The following RABGAP1L variants were observed in gnomAD, a reference collection of about 807,000 sequenced individuals.
RABGAP1L encodes RAB GTPase activating protein 1 like, also known as rab GTPase-activating protein 1-like.
In RABGAP1L, 63 loss-of-function variants were observed where a neutral mutation model predicts 137.7. The ratio of observed to expected loss-of-function variants is 0.46; its 90% CI spans 0.37 to 0.56. RABGAP1L has a LOEUF of 0.56. Among genes scored for constraint, RABGAP1L ranks in the 20% least tolerant of loss-of-function variants. The probability of loss-of-function intolerance (pLI) is 0.00; values close to 1 mark genes in which losing one functional copy is unlikely to be tolerated. For synonymous variants in RABGAP1L, 431 were observed against 433.7 expected (o/e 0.99, Z 0.08); for missense variants, 1,095 against 1,244.0 (o/e 0.88, Z 1.80).
intron 13 of RABGAP1L, among the ~76,000 whole-genome samples, chr1:174,471,735 G>T (rs762275891): frequency 2.2e-4 from 33 of 152,176 alleles, no homozygotes; most frequent in Non-Finnish European, 4.0e-4. Context: ...TAATCTGGCT[G>T]CAGCGTGCAG....
chr1:174,500,495 T>C (rs557514969), intron 13 of RABGAP1L, among the ~76,000 whole-genome samples: 2 of 152,298 alleles, frequency 1.3e-5, no homozygotes, highest in Middle Eastern at 3.4e-3. Context: ...TGAGACCCTG[T>C]TATGCACTGG....
chr1:174,659,613 C>G (rs927428655), intron 14 of RABGAP1L, among the ~76,000 whole-genome samples: 9 of 152,214 alleles, frequency 5.9e-5, no homozygotes, highest in African/African-American at 2.2e-4. Flanking sequence ...TAGCCTCATT[C>G]AGTCTCATGG....
intron 13 of RABGAP1L, among the ~76,000 whole-genome samples, chr1:174,401,785 A>G (rs1171659584): frequency 6.6e-6 from 1 of 152,196 alleles, no homozygotes; most frequent in African/African-American, 2.4e-5. Context: ...CAGCGATAAC[A>G]TGGTTAAGCA....
chr1:174,533,239 T>C (rs147656332), intron 13 of RABGAP1L, among the ~76,000 whole-genome samples: 2 of 152,146 alleles, frequency 1.3e-5, no homozygotes, highest in South Asian at 2.1e-4. Flanking sequence ...GTCTCAAAAA[T>C]AAATAAGCAA....
intron 1 of RABGAP1L, among the ~76,000 whole-genome samples, chr1:174,160,332 A>C (rs1388631197): frequency 1.3e-5 from 2 of 152,096 alleles, no homozygotes; most frequent in African/African-American, 2.4e-5. Context: ...AAAGTTTCTG[A>C]GACTGGGCTA....
At chr1:174,397,176 A>G (rs1459872142) in intron 13 of RABGAP1L, among the ~76,000 whole-genome samples, 2 of 152,124 alleles carry the variant, frequency 1.3e-5, no homozygotes, top group African/African-American at 4.8e-5. Context: ...GGCAAAAATC[A>G]TTTTCATTGA....
At position 174,967,239 on chromosome 1, in the gene RABGAP1L, C is replaced by T. The variant is rs553370558; in HGVS notation, c.2434-2038C>T. ...AGTGCAGTGGCATGATCATAGTTCA[C>T]TGCAGCCTTGACTTCCTGGGTTCAA... On this transcript the variant is annotated intron_variant, in intron 20 of 25. Coordinates refer to ENST00000681986, the MANE Select transcript of RABGAP1L (RefSeq NM_001366446.1). 9.3e-5 allele frequency among the ~76,000 whole-genome samples: 14 copies of T among 151,162 alleles called. No individual in the cohort carries two copies. The South Asian group carries it at 2.9e-3, about 31-fold the overall frequency.
chr1:174,685,599 T>C (rs1356066547), intron 15 of RABGAP1L, among the ~76,000 whole-genome samples: 1 of 138,928 alleles, frequency 7.2e-6, no homozygotes, highest in African/African-American at 2.8e-5. Flanking sequence ...AGTCTACCTC[T>C]GTCTTTCAGG....
intron 11 of RABGAP1L, among the ~76,000 whole-genome samples, chr1:174,348,050 A>G (rs1682616543): frequency 1.3e-5 from 2 of 151,258 alleles, no homozygotes; most frequent in Non-Finnish European, 3.0e-5. Flanking sequence ...ACATTTTGTT[A>G]TTTGTTTTCT....
At chr1:174,401,418 C>T (rs571326745) in intron 13 of RABGAP1L, among the ~76,000 whole-genome samples, 143 of 152,168 alleles carry the variant, frequency 9.4e-4, no homozygotes, top group African/African-American at 3.1e-3. Context: ...AGCACTCACC[C>T]GTGATGGGGA....
intron 18 of RABGAP1L, among the ~76,000 whole-genome samples, chr1:174,801,260 T>A (rs1688737830): frequency 6.6e-6 from 1 of 152,242 alleles, no homozygotes; most frequent in South Asian, 2.1e-4. Flanking sequence ...GGTAATGGAA[T>A]AAGAATAATT....
intron 20 of RABGAP1L, among the ~76,000 whole-genome samples, chr1:174,961,266 A>C (rs1669062777): frequency 6.6e-6 from 1 of 152,228 alleles, no homozygotes; most frequent in African/African-American, 2.4e-5. Context: ...TCATTTTTAT[A>C]CAGGTTCCCA....
At chr1:174,449,007 CCTT>C (rs1655125034) in intron 13 of RABGAP1L, 1 of 1,613,246 alleles carries the variant, frequency 6.2e-7, no homozygotes, top group Non-Finnish European at 8.5e-7. Flanking sequence ...CCAACTCTGT[CCTT>C]CTTAACAACC....
At chr1:174,608,553 G>C (rs771993037) in intron 13 of RABGAP1L, among the ~76,000 whole-genome samples, 1 of 152,172 alleles carries the variant, frequency 6.6e-6, no homozygotes, top group African/African-American at 2.4e-5. Context: ...AGATGAGCAA[G>C]ATTTCAGTAG....
intron 13 of RABGAP1L, among the ~76,000 whole-genome samples, chr1:174,434,108 T>TACACACACACAC (rs35509787): frequency 0.017 from 2,254 of 134,076 alleles, 38 homozygotes; most frequent in East Asian, 0.056. Flanking sequence ...CGTGTACACA[T>TACACACACACAC]ACACACACAC....
intron 1 of RABGAP1L, among the ~76,000 whole-genome samples, chr1:174,173,569 A>G (rs1266895548): frequency 1.3e-5 from 2 of 152,164 alleles, no homozygotes; most frequent in East Asian, 3.8e-4. Context: ...GAAACTTAAT[A>G]TCATTATATA....
intron 18 of RABGAP1L, among the ~76,000 whole-genome samples, chr1:174,780,034 C>G (rs1686833249): frequency 6.6e-6 from 1 of 150,886 alleles, no homozygotes. Flanking sequence ...CCACTGCATT[C>G]CAGCCTGGGA....
intron 1 of RABGAP1L, among the ~76,000 whole-genome samples, chr1:174,176,741 A>AAAAAAAAAAAT (rs755688394): frequency 4.5e-5 from 5 of 111,774 alleles, no homozygotes; most frequent in African/African-American, 1.4e-4. Flanking sequence ...AAAAAAAAAA[A>AAAAAAAAAAAT]AAAAAGGTCA....
intron 13 of RABGAP1L, among the ~76,000 whole-genome samples, chr1:174,462,751 T>G (rs1021149157): frequency 3.9e-5 from 6 of 152,160 alleles, no homozygotes; most frequent in Non-Finnish European, 8.8e-5. Flanking sequence ...TACCAATGTT[T>G]AGCTCTCTCT....
Sources: gnomAD v4.1 joint callset for allele counts (sites outside exome capture counted in the v4.1 genomes callset) on GRCh38, gnomAD v4.1.1 for gene constraint, MANE v1.5 for transcripts, NCBI Gene and HGNC (gene_info 2026-07-23, HGNC 2026-07-21) for gene names.